The following IQCM variants were observed in gnomAD, a reference collection of about 807,000 sequenced individuals.
The protein encoded by IQCM is IQ motif containing M, also known as IQ domain-containing protein M.
IQCM carries 45 observed loss-of-function variants against 57.6 expected under a neutral mutation model. The observed-to-expected ratio is 0.78, with a 90% confidence interval of 0.62 to 1.00. IQCM has a LOEUF of 1.00. IQCM is among the 50% of genes least tolerant of loss of function. The probability of loss-of-function intolerance (pLI) is 0.00; values close to 1 mark genes in which losing one functional copy is unlikely to be tolerated. For synonymous variants in IQCM, 148 were observed against 158.9 expected (o/e 0.93, Z 0.51); for missense variants, 468 against 511.6 (o/e 0.91, Z 0.82).
chr4:149,679,751 A>G (rs1041985961), intron 7 of IQCM, among the ~76,000 whole-genome samples: 1 of 151,396 alleles, frequency 6.6e-6, no homozygotes, highest in Admixed American at 6.6e-5. Context: ...TACTATTTAT[A>G]TATTATCTTG....
intron 12 of IQCM, among the ~76,000 whole-genome samples, chr4:149,518,192 A>G (rs971672238): frequency 1.3e-5 from 2 of 152,192 alleles, no homozygotes; most frequent in Admixed American, 1.3e-4. Flanking sequence ...ATGGCCAAGT[A>G]CAATATCAAG....
At chr4:149,803,866 C>T (rs960771650) in intron 2 of IQCM, among the ~76,000 whole-genome samples, 1 of 151,642 alleles carries the variant, frequency 6.6e-6, no homozygotes, top group African/African-American at 2.4e-5. Context: ...GTATAAGGGC[C>T]CTATTGATGT....
At chr4:149,638,513 T>C (rs1487490682) in intron 7 of IQCM, among the ~76,000 whole-genome samples, 1 of 151,866 alleles carries the variant, frequency 6.6e-6, no homozygotes, top group Non-Finnish European at 1.5e-5. Context: ...TTCAACAATA[T>C]AATGAATTGA....
intron 2 of IQCM, among the ~76,000 whole-genome samples, chr4:149,801,924 C>T (rs1383207537): frequency 6.6e-6 from 1 of 151,874 alleles, no homozygotes; most frequent in African/African-American, 2.4e-5. Flanking sequence ...AAGACAAATG[C>T]TTGAGGGGAT....
In IQCM at chr4:149,654,775, A is replaced by G. The variant is rs1043003528; in HGVS notation, c.565+27343T>C. On this transcript the variant is annotated intron_variant, in intron 7 of 13. Coordinates refer to ENST00000636793, the MANE Select transcript of IQCM (RefSeq NM_001363507.2). ...ACTGTCAATATGGTAACTACAAGCT[A>G]TGTACATCTATGAGCACTTGAAATG... Among the ~76,000 whole-genome samples, 7 of 152,180 alleles carry G rather than the reference A, an allele frequency of 4.6e-5. 1 individual carries two copies. The highest frequency in any genetic ancestry group is 1.7e-4 in the African/African-American group (7 of 41,448).
intron 12 of IQCM, among the ~76,000 whole-genome samples, chr4:149,434,575 T>A (rs1001053443): frequency 6.6e-6 from 1 of 152,096 alleles, no homozygotes; most frequent in African/African-American, 2.4e-5. Flanking sequence ...CATGTCATAT[T>A]TTCTGGCACA....
chr4:149,767,717 T>C (rs952419668), intron 2 of IQCM, among the ~76,000 whole-genome samples: 21 of 152,234 alleles, frequency 1.4e-4, no homozygotes, highest in African/African-American at 4.3e-4. Flanking sequence ...TTTTTCATTG[T>C]ATTAAATGGT....
intron 12 of IQCM, among the ~76,000 whole-genome samples, chr4:149,442,034 C>T (rs973385840): frequency 6.6e-6 from 1 of 152,118 alleles, no homozygotes; most frequent in South Asian, 2.1e-4. Context: ...TGAGAAAATA[C>T]CTATCTGTTC....
chr4:149,767,011 C>A (rs1315155362), intron 2 of IQCM, among the ~76,000 whole-genome samples: 1 of 151,862 alleles, frequency 6.6e-6, no homozygotes, highest in African/African-American at 2.4e-5. Context: ...CTAACAAAAA[C>A]AAATATTAGA....
chr4:149,505,725 C>T (rs971619743), intron 12 of IQCM, among the ~76,000 whole-genome samples: 2 of 152,072 alleles, frequency 1.3e-5, no homozygotes, highest in Non-Finnish European at 2.9e-5. Flanking sequence ...TTTGTGAATG[C>T]GTTTGTTTTC....
At chr4:149,541,395 G>A (rs537448875) in intron 12 of IQCM, among the ~76,000 whole-genome samples, 8 of 152,012 alleles carry the variant, frequency 5.3e-5, no homozygotes, top group Admixed American at 6.6e-5. Context: ...ACTTATCATC[G>A]TTGTTGAGTT....
intron 4 of IQCM, 22 bp downstream of exon 4, chr4:149,735,354 T>G (rs1766838947): frequency 4.3e-6 from 5 of 1,173,960 alleles, no homozygotes; most frequent in Non-Finnish European, 5.3e-6. Flanking sequence ...AATGTAACAT[T>G]AGATAAATGC....
chr4:149,405,836 T>TA (rs1732935775), intron 13 of IQCM, among the ~76,000 whole-genome samples: 1 of 146,804 alleles, frequency 6.8e-6, no homozygotes, highest in Non-Finnish European at 1.5e-5. Context: ...AGCATATATA[T>TA]ATATATATAT....
intron 7 of IQCM, among the ~76,000 whole-genome samples, chr4:149,643,108 C>T (rs998212954): frequency 6.6e-6 from 1 of 151,996 alleles, no homozygotes. Flanking sequence ...CTTAACCAGA[C>T]ATAGGAACAA....
At chr4:149,769,452 T>G (rs1770359519) in intron 2 of IQCM, among the ~76,000 whole-genome samples, 1 of 151,306 alleles carries the variant, frequency 6.6e-6, no homozygotes, top group Admixed American at 6.6e-5. Context: ...GGGGCACACA[T>G]AGGGGAGCGA....
intron 12 of IQCM, among the ~76,000 whole-genome samples, chr4:149,436,328 T>C (rs1280623395): frequency 6.6e-6 from 1 of 152,144 alleles, no homozygotes; most frequent in African/African-American, 2.4e-5. Context: ...GTGGTGAATA[T>C]AGAACTGCCA....
chr4:149,450,486 A>G (rs556410175), intron 12 of IQCM, among the ~76,000 whole-genome samples: 1 of 151,926 alleles, frequency 6.6e-6, no homozygotes, highest in Admixed American at 6.6e-5. Context: ...AATAACCAGA[A>G]TACACAATGG....
intron 12 of IQCM, among the ~76,000 whole-genome samples, chr4:149,470,334 T>TA (rs949913928): frequency 1.0e-4 from 15 of 149,256 alleles, no homozygotes; most frequent in African/African-American, 3.7e-4. Flanking sequence ...AAGTTTCTGA[T>TA]AAAAAAGACT....
At chr4:149,799,116 A>G (rs1177902625) in intron 2 of IQCM, among the ~76,000 whole-genome samples, 4 of 151,804 alleles carry the variant, frequency 2.6e-5, no homozygotes, top group Non-Finnish European at 2.9e-5. Flanking sequence ...GGCTTAACAC[A>G]TTCAAAAAAT....
Sources: allele counts gnomAD v4.1 joint callset (sites outside exome capture counted in the v4.1 genomes callset), GRCh38; gene constraint gnomAD v4.1.1; transcripts MANE v1.5; gene names NCBI Gene and HGNC (gene_info 2026-07-23, HGNC 2026-07-21).